FTCDNL1: variants seen among roughly 807,000 people sequenced by gnomAD.
FTCDNL1 encodes formiminotransferase cyclodeaminase N-terminal like.
In FTCDNL1, 11 loss-of-function variants were observed where a neutral mutation model predicts 5.9. That is an observed-to-expected ratio of 1.87 (90% CI 1.18 to 3.10). FTCDNL1 has a LOEUF of 3.10. Ranked by LOEUF, FTCDNL1 falls within the 30% of genes most tolerant of loss-of-function variation. The probability of loss-of-function intolerance (pLI) is 0.00; values close to 1 mark genes in which losing one functional copy is unlikely to be tolerated. For synonymous variants in FTCDNL1, 58 were observed against 24.8 expected (o/e 2.34, Z -3.99); for missense variants, 115 against 65.5 (o/e 1.76, Z -2.61).
At chr2:199,695,285 A>G in the FTCDNL1 span, among the ~76,000 whole-genome samples, 2 of 152,180 alleles carry the variant, frequency 1.3e-5, no homozygotes, top group Non-Finnish European at 2.9e-5. Context: ...TATCAAAGGG[A>G]GCTTTTATTT....
At chr2:199,699,657 A>C in the FTCDNL1 span, among the ~76,000 whole-genome samples, 2 of 152,252 alleles carry the variant, frequency 1.3e-5, no homozygotes, top group Non-Finnish European at 2.9e-5. Flanking sequence ...TCAACAAAAT[A>C]CTAACAAACC....
chr2:199,760,966 T>C, intron 3 of FTCDNL1: 1 of 676,848 alleles, frequency 1.5e-6, no homozygotes, highest in Admixed American at 2.0e-5. Flanking sequence ...GGCAGCTGTC[T>C]TCCAAGGCTT....
the FTCDNL1 span, among the ~76,000 whole-genome samples, chr2:199,681,971 G>A: frequency 6.6e-6 from 1 of 151,934 alleles, no homozygotes; most frequent in Non-Finnish European, 1.5e-5. Context: ...TGCCCAAAGA[G>A]GACAGAAAGG....
At position 199,823,918 on chromosome 2, in the gene FTCDNL1, C is replaced by T. The variant is rs182272149; in HGVS notation, c.212-4161G>A. ...CTATGAAACTCCTAGATGGCCTCTT[C>T]TTCCAATAGAATGTTGTTTCATCAA... On this transcript the variant is annotated intron_variant, in intron 3 of 4. Transcript: ENST00000420128. 1.2e-3 allele frequency among the ~76,000 whole-genome samples: 188 copies of T among 152,344 alleles called. 1 individual carries two copies. Among genetic ancestry groups the T allele is most frequent in the Non-Finnish European group, 2.4e-3 (163 of 68,024 alleles).
chr2:199,785,357 C>G (rs1272065519), intron 3 of FTCDNL1, among the ~76,000 whole-genome samples: 1 of 148,208 alleles, frequency 6.7e-6, no homozygotes, highest in African/African-American at 2.5e-5. Context: ...ACGCCATTCT[C>G]CTGCCTCAGC....
At chr2:199,779,787 A>G (rs915011804) in intron 3 of FTCDNL1, among the ~76,000 whole-genome samples, 1 of 152,154 alleles carries the variant, frequency 6.6e-6, no homozygotes, top group Admixed American at 6.5e-5. Context: ...TGTGCTTGAG[A>G]TGGAGATGGT....
In FTCDNL1 at chr2:199,762,246, G is replaced by A. The variant is rs889197056; in HGVS notation, c.212-1411C>T. Among the ~76,000 whole-genome samples, 37 of 152,238 alleles carry A rather than the reference G, an allele frequency of 2.4e-4. 1 individual carries two copies. The highest frequency in any genetic ancestry group is 8.7e-4 in the African/African-American group (36 of 41,546). ...ATACAAAAATTAGCCGAGCATGGTG[G>A]TGGGCACCTGTAGTCCCAGCTACTC... On this transcript the variant is annotated intron_variant, in intron 3 of 3. Transcript: ENST00000416668.
intron 3 of FTCDNL1, among the ~76,000 whole-genome samples, chr2:199,831,794 A>T (rs544438373): frequency 3.2e-4 from 48 of 152,288 alleles, no homozygotes; most frequent in African/African-American, 9.4e-4. Context: ...AATTAATTTT[A>T]AAAAATCAGG....
chr2:199,690,422 C>T, the FTCDNL1 span, among the ~76,000 whole-genome samples: 1 of 152,196 alleles, frequency 6.6e-6, no homozygotes, highest in Admixed American at 6.5e-5. Context: ...CATTCACTCC[C>T]CTCTATTGTA....
At chr2:199,731,180 C>T in the FTCDNL1 span, among the ~76,000 whole-genome samples, 1 of 152,082 alleles carries the variant, frequency 6.6e-6, no homozygotes, top group African/African-American at 2.4e-5. Context: ...ACATCACACA[C>T]CAGGGCCTGT....
At chr2:199,813,052 A>G in intron 4 of FTCDNL1, among the ~76,000 whole-genome samples, 1 of 152,182 alleles carries the variant, frequency 6.6e-6, no homozygotes, top group East Asian at 1.9e-4. Flanking sequence ...AAAAAACCAA[A>G]TGCACTTAAT....
intron 3 of FTCDNL1, among the ~76,000 whole-genome samples, chr2:199,833,986 G>A (rs945659728): frequency 6.6e-6 from 1 of 152,156 alleles, no homozygotes; most frequent in African/African-American, 2.4e-5. Flanking sequence ...TCTGTTACAG[G>A]CTGAATTGCG....
downstream of FTCDNL1, among the ~76,000 whole-genome samples, chr2:199,808,313 T>C (rs1700839439): frequency 6.6e-6 from 1 of 152,254 alleles, no homozygotes; most frequent in African/African-American, 2.4e-5. Context: ...TAAAGTTATC[T>C]TATTCAGATA....
chr2:199,847,609 G>C (rs1017514749), intron 2 of FTCDNL1, among the ~76,000 whole-genome samples: 7 of 152,230 alleles, frequency 4.6e-5, no homozygotes, highest in Non-Finnish European at 1.0e-4. Context: ...GAAGTAAATT[G>C]TTTGGTATTT....
downstream of FTCDNL1, among the ~76,000 whole-genome samples, chr2:199,807,298 T>C (rs182417375): frequency 6.6e-6 from 1 of 152,296 alleles, no homozygotes; most frequent in African/African-American, 2.4e-5. Flanking sequence ...AAAAGACAAA[T>C]TCAAATATGA....
At chr2:199,762,590 T>C (rs2106248610) in intron 3 of FTCDNL1, among the ~76,000 whole-genome samples, 1 of 152,282 alleles carries the variant, frequency 6.6e-6, no homozygotes. Flanking sequence ...CCCAGTAAAA[T>C]AGCACAAATG....
chr2:199,840,576 G>C (rs1265799838), intron 3 of FTCDNL1, among the ~76,000 whole-genome samples: 1 of 152,138 alleles, frequency 6.6e-6, no homozygotes, highest in Admixed American at 6.6e-5. Context: ...AAAACTGAAA[G>C]ACCAAGACGT....
chr2:199,760,809 G>A (rs1272134016), exon 4 of FTCDNL1: 3 of 702,222 alleles, frequency 4.3e-6, no homozygotes, highest in Non-Finnish European at 7.8e-6. Context: ...AACAGCACTT[G>A]CCTTTAGGCT....
At chr2:199,792,399 G>A (rs1447946350) in intron 3 of FTCDNL1, among the ~76,000 whole-genome samples, 1 of 152,040 alleles carries the variant, frequency 6.6e-6, no homozygotes, top group Non-Finnish European at 1.5e-5. Context: ...ATCCTCCTTT[G>A]AGGATCCTTC....
Sources: allele counts gnomAD v4.1 joint callset (sites outside exome capture counted in the v4.1 genomes callset), GRCh38; gene constraint gnomAD v4.1.1; transcripts MANE v1.5; gene names NCBI Gene and HGNC (gene_info 2026-07-23, HGNC 2026-07-21).